TIMM22: variants seen among roughly 807,000 people sequenced by gnomAD.
TIMM22 encodes mitochondrial import inner membrane translocase subunit Tim22.
In TIMM22, 12 loss-of-function variants were observed where a neutral mutation model predicts 18.3. That is an observed-to-expected ratio of 0.65 (90% CI 0.42 to 1.06). The LOEUF is 1.06. Among genes scored for constraint, TIMM22 ranks in the 50% least tolerant of loss-of-function variants. The pLI is 0.00. For synonymous variants in TIMM22, 107 were observed against 98.5 expected (o/e 1.09, Z -0.51); for missense variants, 278 against 252.8 (o/e 1.10, Z -0.68).
In TIMM22 at chr17:997,150, C is replaced by T. The variant is rs201731105; in HGVS notation, c.8C>T (p.Ala3Val). The change falls in exon 1 of 4, where the codon GCG becomes GTG. Residue 3 changes from alanine to valine, a missense_variant. Physicochemically the swap from Ala to Val is moderately conservative, Grantham distance 64. Transcript: ENST00000327158. The part of the protein sequence containing the change: MA[A>V]AAPNAGGSAP... The stretch of plus-strand genomic sequence containing the variant: ...GCTTGGGCAGCGACTGTCATGGCGG[C>T]GGCCGCCCCCAATGCCGGAGGCTCG... 2.5e-6 allele frequency: 4 copies of T among 1,606,742 alleles called. No homozygotes were observed. Among genetic ancestry groups the T allele is most frequent in the African/African-American group, 1.3e-5 (1 of 74,852 alleles).
At chr17:997,521 G>T in intron 1 of TIMM22, 141 bp downstream of exon 1, 3 of 805,818 alleles carry the variant, frequency 3.7e-6, no homozygotes, top group Non-Finnish European at 3.9e-6. Flanking sequence ...CGTGAATCGG[G>T]CGTCACCTCT....
In TIMM22 at chr17:997,255, A is replaced by G; in HGVS notation, c.113A>G (p.Gln38Arg). 6.2e-7 allele frequency: 1 copy of G among 1,613,600 alleles called. No homozygotes were observed. The highest frequency in any genetic ancestry group is 8.5e-7 in the Non-Finnish European group (1 of 1,179,952). Residue 38 changes from glutamine (Q) to arginine (R), a missense_variant, in exon 1 of 4, where the codon CAG becomes CGG. Gln to Arg is a conservative substitution (Grantham distance 43, BLOSUM62 1). Coordinates refer to ENST00000327158, the MANE Select transcript of TIMM22 (RefSeq NM_013337.4). ...LLQYLVGDKR[Q>R]PRLLEPGSLG... Reference sequence around the variant, plus strand: ...CAGTACCTGGTGGGTGACAAGCGTCAGCCCCGGCTCCTGGAGCCTGGGAGC... The same window carrying G: ...CAGTACCTGGTGGGTGACAAGCGTCGGCCCCGGCTCCTGGAGCCTGGGAGC...
chr17:997,190 G>T lies in TIMM22; in HGVS notation c.48G>T (p.Ala16=). 6.2e-7 allele frequency: 1 copy of T among 1,612,152 alleles called. No individual in the cohort carries two copies. Among genetic ancestry groups the T allele is most frequent in the East Asian group, 2.2e-5 (1 of 44,876 alleles). The change falls in exon 1 of 4, where the codon GCG becomes GCT. Residue 16 remains alanine (A), a synonymous_variant. Coordinates refer to ENST00000327158, the MANE Select transcript of TIMM22 (RefSeq NM_013337.4). ...CCGGAGGCTCGGCCCCTGAGACAGC[G>T]GGTTCCGCCGAAGCTCCGCTGCAGT... ...PNAGGSAPET[A]GSAEAPLQYS... is the part of the protein sequence containing the mutation.
rs2069802782 is a variant in TIMM22 at position 1,003,411 on chromosome 17, G to T, written c.*2323G>T. On this transcript the variant is annotated 3_prime_UTR_variant, in exon 4 of 4. Transcript: ENST00000327158. ...GGGAGGCTCAAGGGGAGTGAACTAG[G>T]TAAACAGATTCCTGGAAACTCACAT... is the stretch of plus-strand genomic sequence containing the variant. 1 of 152,510 alleles carries T rather than the reference G, an allele frequency of 6.6e-6. No homozygotes were observed. The highest frequency in any genetic ancestry group is 1.5e-5 in the Non-Finnish European group (1 of 68,042). 9.4% of individuals were successfully genotyped at this position (152,510 alleles called of 1,614,324 possible). A position where few individuals can be genotyped will look rare whatever the true frequency, so the allele number is the denominator to read the frequency against.
chr17:999,348 T>G lies in TIMM22; in HGVS notation c.436-164T>G, dbSNP rs879354556. On this transcript the variant is annotated intron_variant, in intron 2 of 3. Transcript: ENST00000327158. ...CTATATATATATATATATATATATA[T>G]ATATATATATACACGCTGTATACTT... is the stretch of plus-strand genomic sequence containing the variant. 7.1e-3 allele frequency among the ~76,000 whole-genome samples: 956 copies of G among 135,244 alleles called. 23 individuals carry two copies. The highest frequency in any genetic ancestry group is 0.011 in the Non-Finnish European group (701 of 64,484). 88.7% of individuals were successfully genotyped at this position (135,244 alleles called of 152,430 possible). A position where few individuals can be genotyped will look rare whatever the true frequency, so the allele number is the denominator to read the frequency against.
intron 3 of TIMM22, among the ~76,000 whole-genome samples, chr17:1,000,682 A>G (rs1432374119): frequency 6.6e-6 from 1 of 152,196 alleles, no homozygotes; most frequent in African/African-American, 2.4e-5. Context: ...CCAGGAATGT[A>G]TTCCATAAAC....
intron 2 of TIMM22, among the ~76,000 whole-genome samples, 152 bp from the exon 3 acceptor site, chr17:999,354 TATATAC>T (rs2069718556): frequency 8.9e-6 from 1 of 112,972 alleles, no homozygotes; most frequent in Admixed American, 9.0e-5. Context: ...TATATATATA[TATATAC>T]ACGCTGTATA....
rs1371340376 is a variant in TIMM22, at chr17:1,001,106, G to A, written c.*18G>A. 1 of 1,612,992 alleles carries A rather than the reference G, an allele frequency of 6.2e-7. No individual in the cohort carries two copies. The highest frequency in any genetic ancestry group is 1.3e-5 in the African/African-American group (1 of 75,004). On this transcript the variant is annotated 3_prime_UTR_variant, in exon 4 of 4. Transcript: ENST00000327158. ...TCCGGTGAGAGTAATTGCCTGCAGG[G>A]AAGGATGATGCCAGCCCCGGATCCG...
chr17:997,502 C>T (rs1008131591), intron 1 of TIMM22, 122 bp downstream of exon 1: 2 of 945,438 alleles, frequency 2.1e-6, no homozygotes, highest in African/African-American at 1.7e-5. Flanking sequence ...ACCACACCCT[C>T]GCCTCGTTCG....
Position 998,796 on chromosome 17 carries a change from G to A in TIMM22, c.256G>A (p.Ala86Thr), listed in dbSNP as rs879394345. Residue 86 changes from alanine to threonine, a missense_variant, in exon 2 of 4, where the codon GCA (alanine) becomes ACA (threonine). Physicochemically the swap from Ala to Thr is moderately conservative, Grantham distance 58. Coordinates refer to ENST00000327158, the MANE Select transcript of TIMM22 (RefSeq NM_013337.4). ...ACVGGFVLGG[A>T]FGVFTAGIDT... The stretch of plus-strand genomic sequence containing the variant: ...GCTTCTAGGATTTGTCTTAGGAGGT[G>A]CATTTGGGGTGTTTACCGCTGGCAT... The A allele has an allele frequency of 1.2e-6, 2 of 1,613,724 alleles. No individual in the cohort carries two copies. Among genetic ancestry groups the A allele is most frequent in the Non-Finnish European group, 1.7e-6 (2 of 1,179,770 alleles).
chr17:999,839 G>T lies in TIMM22; in HGVS notation c.508+255G>T, dbSNP rs1024485542. Among the ~76,000 whole-genome samples, 3 of 151,988 alleles carry T rather than the reference G, an allele frequency of 2.0e-5. No homozygotes were observed. In the South Asian group the frequency reaches 6.2e-4, roughly 31 times the overall value. On this transcript the variant is annotated intron_variant, in intron 3 of 3. Transcript: ENST00000327158. The stretch of plus-strand genomic sequence containing the variant: ...GGGTCTGTTTTGTGCATTCTAAGAC[G>T]TTGAGCAGTATCCCTGGCCTCTACC...
At position 1,001,237 on chromosome 17, in the gene TIMM22, G is replaced by A. The variant is rs973091010; in HGVS notation, c.*149G>A. ...GTTGGTATTCTGAGGGAGCTGCCTG[G>A]CTTCTCTGCCTCCAGCCTTTGGGGT... On this transcript the variant is annotated 3_prime_UTR_variant, in exon 4 of 4. Coordinates refer to ENST00000327158, the MANE Select transcript of TIMM22 (RefSeq NM_013337.4). The A allele has an allele frequency of 1.8e-5, 15 of 826,644 alleles. No individual in the cohort carries two copies. Among genetic ancestry groups the A allele is most frequent in the Non-Finnish European group, 2.3e-5 (12 of 523,944 alleles). 51.2% of individuals were successfully genotyped at this position (826,644 alleles called of 1,614,324 possible). A position where few individuals can be genotyped will look rare whatever the true frequency, so the allele number is the denominator to read the frequency against.
chr17:997,469 A>G (rs2069695318), intron 1 of TIMM22, 89 bp downstream of exon 1: 15 of 1,336,022 alleles, frequency 1.1e-5, no homozygotes, highest in Non-Finnish European at 1.5e-5. Flanking sequence ...CTGGGAGGCG[A>G]GGGACTGCGG....
rs772125726 is a variant in TIMM22, at chr17:997,259, C to A, written c.117C>A (p.Pro39=). 6.2e-7 allele frequency: 1 copy of A among 1,613,584 alleles called. No homozygotes were observed. The highest frequency in any genetic ancestry group is 2.2e-5 in the East Asian group (1 of 44,870). The stretch of plus-strand genomic sequence containing the variant: ...ACCTGGTGGGTGACAAGCGTCAGCC[C>A]CGGCTCCTGGAGCCTGGGAGCCTGG... ...LQYLVGDKRQ[P]RLLEPGSLGG... is the part of the protein sequence containing the mutation. The change falls in exon 1 of 4, where the codon CCC becomes CCA. Residue 39 remains proline (P), a synonymous_variant. Coordinates refer to ENST00000327158, the MANE Select transcript of TIMM22 (RefSeq NM_013337.4).
At chr17:999,460 G>T (rs188012002) in intron 2 of TIMM22, 52 bp from the exon 3 acceptor site, 2 of 1,594,760 alleles carry the variant, frequency 1.3e-6, no homozygotes, top group Admixed American at 3.4e-5. Flanking sequence ...CCTCCTTAAT[G>T]GTCTGCCTTG....
Position 998,760 on chromosome 17 carries a change from T to A in TIMM22, c.239-19T>A, listed in dbSNP as rs1419524220. Reference sequence around the variant, plus strand: ...AGAAAACATGCCAAAGACACCTTCATCTCTGTGTTTGCTTCTAGGATTTGT... The same window carrying A: ...AGAAAACATGCCAAAGACACCTTCAACTCTGTGTTTGCTTCTAGGATTTGT... On this transcript the variant is annotated intron_variant, in intron 1 of 3. Coordinates refer to ENST00000327158, the MANE Select transcript of TIMM22 (RefSeq NM_013337.4). 6.2e-7 allele frequency: 1 copy of A among 1,607,684 alleles called. No individual in the cohort carries two copies. The highest frequency in any genetic ancestry group is 8.5e-7 in the Non-Finnish European group (1 of 1,175,472).
rs1408201202 is a variant in TIMM22, at chr17:1,003,528, T to A, written c.*2440T>A. On this transcript the variant is annotated 3_prime_UTR_variant, in exon 4 of 4. Transcript: ENST00000327158. ...ATCCACACCACAGGGCTGAGTTTTG[T>A]GCAAATGATGGGGCTTTGCATTTTT... 6.5e-6 allele frequency: 1 copy of A among 152,716 alleles called. No homozygotes were observed. The highest frequency in any genetic ancestry group is 1.5e-5 in the Non-Finnish European group (1 of 68,050). 9.5% of individuals were successfully genotyped at this position (152,716 alleles called of 1,614,324 possible).
rs776160529 is a variant in TIMM22 at position 998,830 on chromosome 17, A to G, written c.290A>G (p.Asn97Ser). Residue 97 changes from asparagine to serine, a missense_variant, in exon 2 of 4, where the codon AAC becomes AGC. Transcript: ENST00000327158. ...FGVFTAGIDT[N>S]VGFDPKDPYR... is the part of the protein sequence containing the mutation. ...GTGTTTACCGCTGGCATCGATACCA[A>G]CGTGGGCTTTGACCCTAAGGATCCT... 11 of 1,613,994 alleles carry G rather than the reference A, an allele frequency of 6.8e-6. No individual in the cohort carries two copies. The highest frequency in any genetic ancestry group is 1.3e-5 in the African/African-American group (1 of 74,900).
chr17:999,600 T>C lies in TIMM22; in HGVS notation c.508+16T>C. The C allele has an allele frequency of 6.2e-7, 1 of 1,612,066 alleles. No homozygotes were observed. Among genetic ancestry groups the C allele is most frequent in the Non-Finnish European group, 8.5e-7 (1 of 1,178,910 alleles). ...GGTTTCAGAGGTTAGTAAACGGCTC[T>C]CGAATGCTTTTTCTTTGTGGCCTTG... On this transcript the variant is annotated intron_variant, in intron 3 of 3. Coordinates refer to ENST00000327158, the MANE Select transcript of TIMM22 (RefSeq NM_013337.4).
Sources: allele counts gnomAD v4.1 joint callset (sites outside exome capture counted in the v4.1 genomes callset), GRCh38; gene constraint gnomAD v4.1.1; transcripts MANE v1.5; gene names NCBI Gene and HGNC (gene_info 2026-07-23, HGNC 2026-07-21).